Variants in RFTN1 observed in about 807,000 individuals in gnomAD.
The protein encoded by RFTN1 is raftlin, lipid raft linker 1.
In RFTN1, 26 loss-of-function variants were observed where a neutral mutation model predicts 46.5. The ratio of observed to expected loss-of-function variants is 0.56; its 90% CI spans 0.41 to 0.78. The LOEUF (loss-of-function observed/expected upper bound fraction) is 0.78. Ranked by LOEUF, RFTN1 falls within the 30% of genes least tolerant of loss-of-function variation. RFTN1 has a pLI of 0.00. For missense variants in RFTN1, 693 were observed against 718.7 expected (o/e 0.96, Z 0.41); for synonymous variants, 261 against 284.2 (o/e 0.92, Z 0.82).
intron 1 of RFTN1, among the ~76,000 whole-genome samples, chr3:16,508,199 G>A (rs952353090): frequency 1.3e-5 from 2 of 152,184 alleles, no homozygotes; most frequent in Non-Finnish European, 2.9e-5. Context: ...CCCAGCAGAG[G>A]TGACAGCCAC....
At chr3:16,485,661 G>A (rs2124978224) in intron 2 of RFTN1, among the ~76,000 whole-genome samples, 1 of 152,348 alleles carries the variant, frequency 6.6e-6, no homozygotes, top group East Asian at 1.9e-4. Context: ...AACTTTCTGG[G>A]GTGATGGAAA....
intron 6 of RFTN1, among the ~76,000 whole-genome samples, chr3:16,359,994 C>A (rs1353313278): frequency 6.6e-6 from 1 of 151,890 alleles, no homozygotes; most frequent in Non-Finnish European, 1.5e-5. Flanking sequence ...AGGTCATCAG[C>A]ATGAGAAAAT....
In RFTN1 at chr3:16,442,537, A is replaced by G. The variant is rs1308454897; in HGVS notation, c.146-8500T>C. ...AGTTCAAATGATTACTACAGTCAAGAAAACCAACATAACCATCATCTCACA... is the reference window on the plus strand; with the variant it reads ...AGTTCAAATGATTACTACAGTCAAGGAAACCAACATAACCATCATCTCACA... On this transcript the variant is annotated intron_variant, in intron 2 of 9. Transcript: ENST00000334133. The surrounding 1 kb of genome is among the most constrained non-coding windows in gnomAD (Gnocchi z 4.1). 1.3e-5 allele frequency among the ~76,000 whole-genome samples: 2 copies of G among 152,200 alleles called. No individual in the cohort carries two copies. Among genetic ancestry groups the G allele is most frequent in the Non-Finnish European group, 2.9e-5 (2 of 68,042 alleles).
At position 16,476,547 on chromosome 3, in the gene RFTN1, A is replaced by G. The variant is rs145995705; in HGVS notation, c.145+17178T>C. On this transcript the variant is annotated intron_variant, in intron 2 of 9. Transcript: ENST00000334133. ...AGAGGCTGTTTGGGGCAAGGTGGTAAAAGAAGGCCTCTCTGAAAAGCTAGC... is the reference window on the plus strand; with the variant it reads ...AGAGGCTGTTTGGGGCAAGGTGGTAGAAGAAGGCCTCTCTGAAAAGCTAGC... Among the ~76,000 whole-genome samples, 20 of 152,308 alleles carry G rather than the reference A, an allele frequency of 1.3e-4. No homozygotes were observed. The East Asian group carries it at 3.9e-3, about 29-fold the overall frequency.
rs550876463 is a variant in RFTN1 at position 16,341,258 on chromosome 3, A to T, written c.1147-14382T>A. 6.6e-6 allele frequency among the ~76,000 whole-genome samples: 1 copy of T among 152,340 alleles called. No homozygotes were observed. Among genetic ancestry groups the T allele is most frequent in the South Asian group, 2.1e-4 (1 of 4,830 alleles). On this transcript the variant is annotated intron_variant, in intron 7 of 9. Coordinates refer to ENST00000334133, the MANE Select transcript of RFTN1 (RefSeq NM_015150.2). The surrounding 1 kb of genome is among the most constrained non-coding windows in gnomAD (Gnocchi z 4.7). ...GAAGACAGTTTGGCAGTTTCTTACA[A>T]AACTAGACATACTTTACAATATGAT...
Position 16,407,865 on chromosome 3 carries a change from C to T in RFTN1, c.441+1510G>A, listed in dbSNP as rs1376338884. Among the ~76,000 whole-genome samples the T allele has an allele frequency of 6.6e-6, 1 of 152,074 alleles. No homozygotes were observed. Among genetic ancestry groups the T allele is most frequent in the Non-Finnish European group, 1.5e-5 (1 of 68,024 alleles). On this transcript the variant is annotated intron_variant, in intron 4 of 9. Transcript: ENST00000334133. This position sits in a 1 kb window ranked among gnomAD's most constrained non-coding sequence, Gnocchi z 4.0. ...AGCCTCCCTCATCCTAGTAAAATTA[C>T]CAGAAATTCTGACCTCAGAGATCAT...
rs781087655 is a variant in RFTN1, at chr3:16,426,170, A to C, written c.332+7681T>G. Among the ~76,000 whole-genome samples, 9 of 152,110 alleles carry C rather than the reference A, an allele frequency of 5.9e-5. No homozygotes were observed. The highest frequency in any genetic ancestry group is 1.2e-4 in the Non-Finnish European group (8 of 68,024). On this transcript the variant is annotated intron_variant, in intron 3 of 9. Transcript: ENST00000334133. This position sits in a 1 kb window ranked among gnomAD's most constrained non-coding sequence, Gnocchi z 5.9. ...TAAACCCACCGTTACTTTCTTCCCC[A>C]CGTGTGATTCCAACAATCAGCGCAC...
Position 16,426,534 on chromosome 3 carries a change from T to C in RFTN1, c.332+7317A>G, listed in dbSNP as rs191259026. 8.5e-5 allele frequency among the ~76,000 whole-genome samples: 13 copies of C among 152,216 alleles called. No homozygotes were observed. The highest frequency in any genetic ancestry group is 8.5e-4 in the Admixed American group (13 of 15,280). Reference sequence around the variant, plus strand: ...ACATAATGCATTTGTACTTCACTTATGGTCCGCAAAGATTTCCTTTCTTTG... The same window carrying C: ...ACATAATGCATTTGTACTTCACTTACGGTCCGCAAAGATTTCCTTTCTTTG... On this transcript the variant is annotated intron_variant, in intron 3 of 9. Coordinates refer to ENST00000334133, the MANE Select transcript of RFTN1 (RefSeq NM_015150.2). The surrounding 1 kb of genome is among the most constrained non-coding windows in gnomAD (Gnocchi z 5.9).
rs748045003 is a variant in RFTN1 at position 16,316,954 on chromosome 3, C to A, written c.1611G>T (p.Gln537His). The A allele has an allele frequency of 1.2e-6, 2 of 1,614,072 alleles. No homozygotes were observed. The highest frequency in any genetic ancestry group is 4.5e-5 in the East Asian group (2 of 44,836). Reference protein sequence around the residue: ...CGVGVEGEAVQNGPASHSRAL... With the variant: ...CGVGVEGEAVHNGPASHSRAL... ...CCCTGCTGTGGCTGGCAGGACCATT[C>A]TGCACAGCCTCACCCTCCACACCCA... The change falls in exon 10 of 10, where the codon CAG becomes CAT. Residue 537 changes from glutamine (Q) to histidine (H), a missense_variant. Physicochemically the swap from Gln to His is conservative, Grantham distance 24. Coordinates refer to ENST00000334133, the MANE Select transcript of RFTN1 (RefSeq NM_015150.2). This position sits in a 1 kb window ranked among gnomAD's most constrained non-coding sequence, Gnocchi z 4.5.
In RFTN1 at chr3:16,500,471, C is replaced by G. The variant is rs974711957; in HGVS notation, c.-8-6594G>C. ...GTCTTTCCCCATTTCTATGGTGAAA[C>G]AGTGGGGAAATAATCAAAGCATATA... On this transcript the variant is annotated intron_variant, in intron 1 of 9. Coordinates refer to ENST00000334133, the MANE Select transcript of RFTN1 (RefSeq NM_015150.2). The surrounding 1 kb of genome is among the most constrained non-coding windows in gnomAD (Gnocchi z 5.9). 1.1e-4 allele frequency among the ~76,000 whole-genome samples: 16 copies of G among 152,098 alleles called. No individual in the cohort carries two copies. Among genetic ancestry groups the G allele is most frequent in the African/African-American group, 3.9e-4 (16 of 41,406 alleles).
In RFTN1 at chr3:16,326,830, G is replaced by T. The variant is rs1415686291; in HGVS notation, c.1193C>A (p.Ala398Glu). The stretch of plus-strand genomic sequence containing the variant: ...ACAGGTGAGCTGCCAGCCATAGGCC[G>T]CCAGCGAGTTCAGCAGGGGCACGTA... ...TDYVPLLNSLAAYGWQLTCVL... is the reference protein window; with the variant it reads ...TDYVPLLNSLEAYGWQLTCVL... The change falls in exon 8 of 10, where the codon GCG becomes GAG. Residue 398 changes from alanine to glutamate, a missense_variant. Transcript: ENST00000334133. 1.2e-6 allele frequency: 2 copies of T among 1,613,970 alleles called. No homozygotes were observed. The highest frequency in any genetic ancestry group is 1.7e-5 in the Admixed American group (1 of 60,002).
At chr3:16,378,523 G>A (rs1423665604) in intron 4 of RFTN1, among the ~76,000 whole-genome samples, 2 of 152,140 alleles carry the variant, frequency 1.3e-5, no homozygotes, top group African/African-American at 2.4e-5. Flanking sequence ...TCAGGCTACT[G>A]TATAACTACA....
intron 2 of RFTN1, among the ~76,000 whole-genome samples, chr3:16,435,042 G>T (rs1355702103): frequency 6.6e-6 from 1 of 152,192 alleles, no homozygotes; most frequent in Non-Finnish European, 1.5e-5. Flanking sequence ...ACGTTCAAAA[G>T]TCAAAAGGTA....
chr3:16,319,559 C>T (rs1431749786), intron 9 of RFTN1, among the ~76,000 whole-genome samples: 1 of 152,210 alleles, frequency 6.6e-6, no homozygotes, highest in African/African-American at 2.4e-5. Context: ...AATTCCACCA[C>T]GTGCTAGACC....
intron 1 of RFTN1, among the ~76,000 whole-genome samples, chr3:16,511,849 T>C (rs1051672391): frequency 2.6e-5 from 4 of 152,108 alleles, no homozygotes; most frequent in Non-Finnish European, 5.9e-5. Context: ...CCAAATCTAC[T>C]AGCTAACTGC....
rs921472684 is a variant in RFTN1 at position 16,419,430 on chromosome 3, T to C, written c.333-9947A>G. 8.5e-5 allele frequency among the ~76,000 whole-genome samples: 13 copies of C among 152,310 alleles called. No homozygotes were observed. The South Asian group carries it at 1.9e-3, about 22-fold the overall frequency. ...ATGTAGGAAGGGGGGAAGAATATTTTAGGACAGCAGCAATGAGAACTGTAC... is the reference window on the plus strand; with the variant it reads ...ATGTAGGAAGGGGGGAAGAATATTTCAGGACAGCAGCAATGAGAACTGTAC... On this transcript the variant is annotated intron_variant, in intron 3 of 9. Coordinates refer to ENST00000334133, the MANE Select transcript of RFTN1 (RefSeq NM_015150.2).
intron 2 of RFTN1, among the ~76,000 whole-genome samples, chr3:16,487,721 C>T (rs762106969): frequency 1.3e-5 from 2 of 152,130 alleles, no homozygotes; most frequent in Non-Finnish European, 2.9e-5. Context: ...AAAACATAGT[C>T]GATTTTCACA....
rs1053225705 is a variant in RFTN1 at position 16,327,516 on chromosome 3, T to C, written c.1147-640A>G. On this transcript the variant is annotated intron_variant, in intron 7 of 9. Coordinates refer to ENST00000334133, the MANE Select transcript of RFTN1 (RefSeq NM_015150.2). This position sits in a 1 kb window ranked among gnomAD's most constrained non-coding sequence, Gnocchi z 4.2. Reference sequence around the variant, plus strand: ...GGCTCACGTCTGTAATCCCAGCACTTTGGGAGGCTGAGGCAGGTGGATCAC... The same window carrying C: ...GGCTCACGTCTGTAATCCCAGCACTCTGGGAGGCTGAGGCAGGTGGATCAC... Among the ~76,000 whole-genome samples, 4 of 151,814 alleles carry C rather than the reference T, an allele frequency of 2.6e-5. No individual in the cohort carries two copies. Among genetic ancestry groups the C allele is most frequent in the African/African-American group, 9.7e-5 (4 of 41,338 alleles).
At position 16,425,327 on chromosome 3, in the gene RFTN1, G is replaced by C. The variant is rs931203353; in HGVS notation, c.332+8524C>G. 3.9e-5 allele frequency among the ~76,000 whole-genome samples: 6 copies of C among 152,152 alleles called. No homozygotes were observed. The South Asian group carries it at 1.0e-3, about 26-fold the overall frequency. On this transcript the variant is annotated intron_variant, in intron 3 of 9. Coordinates refer to ENST00000334133, the MANE Select transcript of RFTN1 (RefSeq NM_015150.2). This position sits in a 1 kb window ranked among gnomAD's most constrained non-coding sequence, Gnocchi z 4.3. ...TCATGGTACTGAAGTATTCACCCAA[G>C]TTTTAAGATTAACAGGAAATTTCAA...
Sources: gnomAD v4.1 joint callset for allele counts (sites outside exome capture counted in the v4.1 genomes callset) on GRCh38, gnomAD v4.1.1 for gene constraint, Gnocchi (gnomAD v3.1) non-coding constraint, MANE v1.5 for transcripts, NCBI Gene and HGNC (gene_info 2026-07-23, HGNC 2026-07-21) for gene names.